Variants in NTRK3 observed in about 807,000 individuals in gnomAD.
The protein encoded by NTRK3 is NT-3 growth factor receptor.
In NTRK3, 24 loss-of-function variants were observed where a neutral mutation model predicts 91.7. The observed-to-expected ratio is 0.26, with a 90% CI of 0.19 to 0.37. The LOEUF (loss-of-function observed/expected upper bound fraction) is 0.37, where lower values mean the gene tolerates loss of function less well. NTRK3 is among the 10% of genes least tolerant of loss of function. The pLI, the probability that NTRK3 is intolerant of heterozygous loss-of-function variation, is 1.00. For missense variants in NTRK3, 880 were observed against 1,068.9 expected, an observed-to-expected ratio of 0.82 and a Z score of 2.46; for synonymous variants, 483 against 404.0, an observed-to-expected ratio of 1.20 and a Z score of -2.34.
intron 13 of NTRK3, among the ~76,000 whole-genome samples, chr15:88,034,260 T>G (rs1202673645): frequency 1.3e-5 from 2 of 152,214 alleles, no homozygotes; most frequent in Non-Finnish European, 2.9e-5. Flanking sequence ...TGCCCCACTC[T>G]TGAAATATCA....
intron 14 of NTRK3, among the ~76,000 whole-genome samples, chr15:87,954,496 G>T (rs191947332): frequency 6.6e-6 from 1 of 152,032 alleles, no homozygotes; most frequent in Non-Finnish European, 1.5e-5. Context: ...ATGAATCTCC[G>T]ATTACTCCAG....
At chr15:88,060,275 T>G (rs534576645) in intron 13 of NTRK3, among the ~76,000 whole-genome samples, 1 of 151,736 alleles carries the variant, frequency 6.6e-6, no homozygotes, top group Admixed American at 6.6e-5. Context: ...TCCCAGCTAC[T>G]TGGGAGGCTG....
chr15:87,893,526 T>C (rs561871101), intron 17 of NTRK3, among the ~76,000 whole-genome samples: 1 of 152,328 alleles, frequency 6.6e-6, no homozygotes, highest in Admixed American at 6.5e-5. Flanking sequence ...AGCCAGCCTT[T>C]CCTGAAAAGA....
intron 14 of NTRK3, among the ~76,000 whole-genome samples, chr15:88,008,032 G>A (rs1424181189): frequency 2.0e-5 from 3 of 152,094 alleles, no homozygotes; most frequent in African/African-American, 7.2e-5. Context: ...GAGATCTAAG[G>A]GAACAAAACT....
At chr15:87,882,975 T>G (rs570963815) in intron 17 of NTRK3, among the ~76,000 whole-genome samples, 41 of 151,836 alleles carry the variant, frequency 2.7e-4, no homozygotes, top group African/African-American at 9.4e-4. Context: ...GTTAGAAAAA[T>G]CAAGTTGCAT....
At chr15:88,061,810 G>A (rs753041819) in intron 13 of NTRK3, among the ~76,000 whole-genome samples, 1 of 152,116 alleles carries the variant, frequency 6.6e-6, no homozygotes, top group Non-Finnish European at 1.5e-5. Context: ...AGTCTGTGGA[G>A]GCACTCAGAG....
chr15:87,948,148 T>C (rs1352544588), intron 14 of NTRK3, among the ~76,000 whole-genome samples: 3 of 152,338 alleles, frequency 2.0e-5, no homozygotes, highest in East Asian at 1.9e-4. Flanking sequence ...CCTGGCCAGC[T>C]ACAGGCCCTT....
chr15:88,039,389 CTTGT>C (rs1237806140), intron 13 of NTRK3, among the ~76,000 whole-genome samples: 2 of 152,156 alleles, frequency 1.3e-5, no homozygotes, highest in African/African-American at 4.8e-5. Context: ...AAATTGGTGC[CTTGT>C]TTTTTTCTTC....
rs2052189922 is a variant in NTRK3 at position 88,240,103 on chromosome 15, A to G, written c.248+15803T>C. On this transcript the variant is annotated intron_variant, in intron 3 of 18. Coordinates refer to ENST00000394480, the Ensembl canonical transcript of NTRK3. This position sits in a 1 kb window ranked among gnomAD's most constrained non-coding sequence, Gnocchi z 4.9. The stretch of plus-strand genomic sequence containing the variant: ...ACAAGGTTCCCACGCACCTGTGTGC[A>G]GGAGCACAGCCCCCCTCCCCTCCCC... Among the ~76,000 whole-genome samples the G allele has an allele frequency of 1.3e-5, 2 of 151,870 alleles. No homozygotes were observed. Among genetic ancestry groups the G allele is most frequent in the Non-Finnish European group, 2.9e-5 (2 of 67,962 alleles).
chr15:88,167,358 C>T (rs7168598), intron 5 of NTRK3, among the ~76,000 whole-genome samples: 1 of 152,064 alleles, frequency 6.6e-6, no homozygotes, highest in African/African-American at 2.4e-5. Context: ...TGAGTCTCCT[C>T]CCAGGTGTTG....
intron 16 of NTRK3, 148 bp downstream of exon 16, chr15:87,932,864 A>T: frequency 1.2e-6 from 1 of 834,322 alleles, no homozygotes; most frequent in Non-Finnish European, 2.0e-6. Context: ...TGCTAAGGAG[A>T]TCATGTATAA....
chr15:88,170,204 C>T (rs2045375970), intron 5 of NTRK3, among the ~76,000 whole-genome samples: 1 of 152,250 alleles, frequency 6.6e-6, no homozygotes. Context: ...CTCTAAAGCA[C>T]AAAAAATCAA....
chr15:88,203,397 TAA>T (rs1183142014), intron 3 of NTRK3, among the ~76,000 whole-genome samples: 6 of 152,140 alleles, frequency 3.9e-5, no homozygotes, highest in Non-Finnish European at 8.8e-5. Flanking sequence ...CTTAAAAGAA[TAA>T]AGAGTTGCAC....
At chr15:88,054,750 T>A (rs1188423581) in intron 13 of NTRK3, among the ~76,000 whole-genome samples, 1 of 151,832 alleles carries the variant, frequency 6.6e-6, no homozygotes, top group African/African-American at 2.4e-5. Flanking sequence ...TCTGAAAATA[T>A]TGATGATGAT....
intron 17 of NTRK3, among the ~76,000 whole-genome samples, chr15:87,885,468 A>G (rs1311911703): frequency 4.6e-5 from 7 of 151,940 alleles, no homozygotes; most frequent in African/African-American, 1.7e-4. Context: ...AAATAGAACA[A>G]TACGGGAGAG....
rs748362487 is a variant in NTRK3 at position 88,135,882 on chromosome 15, C to A, written c.907+17G>T. On this transcript the variant is annotated intron_variant, in intron 9 of 18. Transcript: ENST00000394480. Reference sequence around the variant, plus strand: ...GCCCCTCACACACAGCCATCCCCCACAATAACATGCACTTACAGTAGACAG... The same window carrying A: ...GCCCCTCACACACAGCCATCCCCCAAAATAACATGCACTTACAGTAGACAG... 6.2e-7 allele frequency: 1 copy of A among 1,613,822 alleles called. No individual in the cohort carries two copies. Among genetic ancestry groups the A allele is most frequent in the South Asian group, 1.1e-5 (1 of 91,062 alleles).
chr15:88,256,526 A>AG, intron 1 of NTRK3, 40 bp from the exon 2 acceptor site: 1 of 513,578 alleles, frequency 1.9e-6, no homozygotes, highest in Non-Finnish European at 3.4e-6. Flanking sequence ...GGCAAAAAAA[A>AG]AAAAGGAAAA....
intron 13 of NTRK3, among the ~76,000 whole-genome samples, chr15:88,057,168 CA>C (rs547432747): frequency 2.6e-3 from 155 of 59,106 alleles, no homozygotes; most frequent in East Asian, 3.2e-3. Context: ...AACTCCGTCT[CA>C]AAAAAAAAAA....
At chr15:88,167,491 C>G (rs2045087782) in intron 5 of NTRK3, among the ~76,000 whole-genome samples, 1 of 152,232 alleles carries the variant, frequency 6.6e-6, no homozygotes, top group South Asian at 2.1e-4. Flanking sequence ...AATGCATTCT[C>G]TCAGATTCCT....
Sources: allele counts gnomAD v4.1 joint callset (sites outside exome capture counted in the v4.1 genomes callset), GRCh38; gene constraint gnomAD v4.1.1; non-coding constraint Gnocchi (gnomAD v3.1); transcripts MANE v1.5; gene names NCBI Gene and HGNC (gene_info 2026-07-23, HGNC 2026-07-21).